The following SLC66A2 variants were observed in gnomAD, a reference collection of about 807,000 sequenced individuals.
SLC66A2 encodes PQ loop repeat containing 1.
Under a neutral mutation model 25.5 loss-of-function variants are expected in SLC66A2, and 23 were observed. That is an observed-to-expected ratio of 0.90 (90% confidence interval 0.65 to 1.28). SLC66A2 has a LOEUF of 1.28. Among genes scored for constraint, SLC66A2 ranks in the 50% most tolerant of loss-of-function variants. SLC66A2 has a pLI of 0.00. For missense variants in SLC66A2, 396 were observed against 373.1 expected (o/e 1.06, Z -0.51); for synonymous variants, 193 against 166.5 (o/e 1.16, Z -1.23).
rs1484563514 is a variant in SLC66A2, at chr18:79,937,396, T to TAACA, written c.338-3378_338-3375dup. ...AGCATTAACAAGCGTAATAATCCAG[T>TAACA]AACACACCAAACGTCCAACTCACAT... On this transcript the variant is annotated intron_variant, in intron 3 of 5. Transcript: ENST00000397778. The surrounding 1 kb of genome is among the most constrained non-coding windows in gnomAD (Gnocchi z 5.4). Among the ~76,000 whole-genome samples, 1 of 152,128 alleles carries TAACA rather than the reference T, an allele frequency of 6.6e-6. No homozygotes were observed. The highest frequency in any genetic ancestry group is 1.5e-5 in the Non-Finnish European group (1 of 68,032).
chr18:79,947,881 C>G (rs942289269), intron 2 of SLC66A2, among the ~76,000 whole-genome samples: 1 of 152,174 alleles, frequency 6.6e-6, no homozygotes, highest in African/African-American at 2.4e-5. Context: ...TCATCCCCCT[C>G]TGCACAGCAG....
Position 79,950,717 on chromosome 18 carries a change from A to C in SLC66A2, c.203+7T>G. ...GTGCAGCCCAGGAAAGCAAGCCCCC[A>C]ACTTACCAGAAGAGTATCCGCAAAA... On this transcript the variant is annotated splice_region_variant and intron_variant, in intron 2 of 5. Coordinates refer to ENST00000397778, the MANE Select transcript of SLC66A2 (RefSeq NM_025078.5). The C allele has an allele frequency of 1.9e-6, 3 of 1,612,828 alleles. No homozygotes were observed. Among genetic ancestry groups the C allele is most frequent in the Non-Finnish European group, 2.5e-6 (3 of 1,179,796 alleles).
At chr18:79,913,312 C>G (rs1248343592) in intron 5 of SLC66A2, among the ~76,000 whole-genome samples, 3 of 151,936 alleles carry the variant, frequency 2.0e-5, no homozygotes. Flanking sequence ...CCAACGCACC[C>G]CCGCTGCCCT....
At chr18:79,943,625 A>C (rs1987908111) in intron 2 of SLC66A2, 163 bp from the exon 3 acceptor site, 373 of 596,460 alleles carry the variant, frequency 6.3e-4, no homozygotes, top group Middle Eastern at 1.6e-3. Context: ...GCCCACCCAC[A>C]TCGCCTCTCC....
At chr18:79,915,421 C>G (rs766839272) in intron 5 of SLC66A2, 1 of 152,324 alleles carries the variant, frequency 6.6e-6, no homozygotes, top group African/African-American at 2.4e-5. Context: ...CACTCCGAGC[C>G]GACCCGACGC....
At chr18:79,949,771 C>A (rs565191489) in intron 2 of SLC66A2, 1 of 152,386 alleles carries the variant, frequency 6.6e-6, no homozygotes. Context: ...TCCTTCTCTC[C>A]ACCCCTCCAC....
intron 4 of SLC66A2, among the ~76,000 whole-genome samples, chr18:79,929,231 C>T (rs1454110461): frequency 1.3e-5 from 2 of 152,200 alleles, no homozygotes; most frequent in Non-Finnish European, 1.5e-5. Context: ...CAATGGCCAC[C>T]CTGCCCAGCT....
intron 5 of SLC66A2, among the ~76,000 whole-genome samples, chr18:79,912,477 C>T (rs867309842): frequency 5.3e-5 from 8 of 152,088 alleles, no homozygotes; most frequent in African/African-American, 7.2e-5. Flanking sequence ...CAGGGAAAGA[C>T]GCCAAGCACA....
At position 79,940,519 on chromosome 18, in the gene SLC66A2, G is replaced by A. The variant is rs949272160; in HGVS notation, c.337+2810C>T. ...AAAAAAAAAACAGAACATGTTCAGAGCCAACAACCTTCCCTTAAAGGTGAC... is the reference window on the plus strand; with the variant it reads ...AAAAAAAAAACAGAACATGTTCAGAACCAACAACCTTCCCTTAAAGGTGAC... On this transcript the variant is annotated intron_variant, in intron 3 of 5. Transcript: ENST00000397778. The surrounding 1 kb of genome is among the most constrained non-coding windows in gnomAD (Gnocchi z 4.1). Among the ~76,000 whole-genome samples the A allele has an allele frequency of 6.6e-6, 1 of 152,004 alleles. No individual in the cohort carries two copies. The highest frequency in any genetic ancestry group is 6.6e-5 in the Admixed American group (1 of 15,264).
chr18:79,938,272 C>T (rs1987307741), intron 3 of SLC66A2, among the ~76,000 whole-genome samples: 1 of 152,184 alleles, frequency 6.6e-6, no homozygotes, highest in South Asian at 2.1e-4. Context: ...TTGAAATTCT[C>T]CATAATGCAA....
chr18:79,904,828 A>G lies in SLC66A2; in HGVS notation c.609-645T>C, dbSNP rs1011858518. Among the ~76,000 whole-genome samples the G allele has an allele frequency of 7.2e-5, 11 of 152,190 alleles. No individual in the cohort carries two copies. Among genetic ancestry groups the G allele is most frequent in the African/African-American group, 2.4e-4 (10 of 41,438 alleles). On this transcript the variant is annotated intron_variant, in intron 5 of 5. Transcript: ENST00000397778. This position sits in a 1 kb window ranked among gnomAD's most constrained non-coding sequence, Gnocchi z 6.3. ...TGCCCTGGCTTGCCTAGCAGTGAAC[A>G]TGAGTGCTGCTGCACTTTCCCGTGT...
chr18:79,946,370 T>C (rs1444416262), intron 2 of SLC66A2, among the ~76,000 whole-genome samples: 1 of 152,266 alleles, frequency 6.6e-6, no homozygotes, highest in East Asian at 1.9e-4. Context: ...CACATTTACT[T>C]CTCAACTTAA....
Position 79,943,607 on chromosome 18 carries a change from T to A in SLC66A2, c.204-145A>T, listed in dbSNP as rs113989677. 866 of 881,868 alleles carry A rather than the reference T, an allele frequency of 9.8e-4. 7 individuals carry two copies. The African/African-American group carries it at 0.015, about 15-fold the overall frequency. The allele number at this position is 881,868 out of a possible 1,614,324, so 54.6% of individuals were successfully genotyped here. On this transcript the variant is annotated intron_variant, in intron 2 of 5. Coordinates refer to ENST00000397778, the MANE Select transcript of SLC66A2 (RefSeq NM_025078.5). ...CCTGAACCTGCAGCCGGAGAGACCC[T>A]GTGTCAGGCCCACCCACATCGCCTC...
chr18:79,907,646 A>G (rs1352081089), intron 5 of SLC66A2, among the ~76,000 whole-genome samples: 1 of 152,108 alleles, frequency 6.6e-6, no homozygotes, highest in Non-Finnish European at 1.5e-5. Context: ...CCACCGTGTC[A>G]GGCCTGTATA....
Position 79,919,310 on chromosome 18 carries a change from G to A in SLC66A2, c.482C>T (p.Thr161Ile). Residue 161 changes from threonine to isoleucine, a missense_variant, in exon 5 of 6, where the codon ACC becomes ATC. Coordinates refer to ENST00000397778, the MANE Select transcript of SLC66A2 (RefSeq NM_025078.5). ...LAFTGVAGYI[T>I]YLSIDSALFV... is the part of the protein sequence containing the mutation. The stretch of plus-strand genomic sequence containing the variant: ...CAGGGCGGAGTCAATGGACAGGTAG[G>A]TGATGTAGCCCGCCACGCCCGTGAA... 3 of 1,613,296 alleles carry A rather than the reference G, an allele frequency of 1.9e-6. No homozygotes were observed. The highest frequency in any genetic ancestry group is 2.5e-6 in the Non-Finnish European group (3 of 1,180,030).
chr18:79,942,917 AC>A, intron 3 of SLC66A2, among the ~76,000 whole-genome samples: 1 of 152,238 alleles, frequency 6.6e-6, no homozygotes, highest in East Asian at 1.9e-4. Context: ...TGGCTAAGGT[AC>A]CCCTGAGTCA....
intron 5 of SLC66A2, among the ~76,000 whole-genome samples, chr18:79,914,261 G>A (rs886225441): frequency 5.3e-5 from 8 of 152,136 alleles, no homozygotes; most frequent in Non-Finnish European, 8.8e-5. Context: ...TTTTAAATAC[G>A]TCATCTTAAA....
At chr18:79,939,132 A>G (rs1987403653) in intron 3 of SLC66A2, among the ~76,000 whole-genome samples, 1 of 152,206 alleles carries the variant, frequency 6.6e-6, no homozygotes, top group Non-Finnish European at 1.5e-5. Context: ...TTTCAAACTG[A>G]ATTTGTGACC....
intron 5 of SLC66A2, among the ~76,000 whole-genome samples, chr18:79,911,830 A>C (rs4799108): frequency 0.34 from 44,928 of 130,754 alleles, 8,414 homozygotes; most frequent in East Asian, 0.49. Context: ...TGGAGCAGGA[A>C]GGGGACAGGA....
Sources: allele counts gnomAD v4.1 joint callset (sites outside exome capture counted in the v4.1 genomes callset), GRCh38; gene constraint gnomAD v4.1.1; non-coding constraint Gnocchi (gnomAD v3.1); transcripts MANE v1.5; gene names NCBI Gene and HGNC (gene_info 2026-07-23, HGNC 2026-07-21).